ATP6V1H: variants seen among roughly 807,000 people sequenced by gnomAD.
ATP6V1H encodes the protein ATPase H+ transporting V1 subunit H.
ATP6V1H carries 39 observed loss-of-function variants against 71.7 expected under a neutral mutation model. That is an observed-to-expected ratio of 0.54 (90% confidence interval 0.42 to 0.71). ATP6V1H has a LOEUF of 0.71. ATP6V1H is among the 30% of genes least tolerant of loss of function. ATP6V1H has a pLI of 0.00. For missense variants in ATP6V1H, 509 were observed against 594.9 expected, an observed-to-expected ratio of 0.86 and a Z score of 1.50; for synonymous variants, 192 against 199.3, an observed-to-expected ratio of 0.96 and a Z score of 0.31.
At chr8:53,803,154 T>C (rs973722299) in intron 7 of ATP6V1H, among the ~76,000 whole-genome samples, 5 of 152,156 alleles carry the variant, frequency 3.3e-5, no homozygotes, top group East Asian at 1.9e-4. Context: ...CTGGCCAACA[T>C]GGCGAAACTC....
At chr8:53,833,607 C>T (rs750944950) in intron 2 of ATP6V1H, among the ~76,000 whole-genome samples, 7 of 151,986 alleles carry the variant, frequency 4.6e-5, no homozygotes, top group Non-Finnish European at 8.8e-5. Flanking sequence ...AACTCTCCAT[C>T]CTGACCCCAC....
At chr8:53,741,148 T>A (rs1446005050) in intron 13 of ATP6V1H, among the ~76,000 whole-genome samples, 2 of 152,212 alleles carry the variant, frequency 1.3e-5, no homozygotes, top group Admixed American at 1.3e-4. Context: ...CTTCCTCTTA[T>A]AATCACACAC....
chr8:53,730,794 A>AT (rs1030141090), intron 13 of ATP6V1H, among the ~76,000 whole-genome samples: 2 of 152,054 alleles, frequency 1.3e-5, no homozygotes, highest in South Asian at 2.1e-4. Flanking sequence ...TCATGAGAAC[A>AT]TTTTTTCTTT....
intron 2 of ATP6V1H, among the ~76,000 whole-genome samples, chr8:53,838,276 C>T (rs534402220): frequency 2.3e-4 from 35 of 152,264 alleles, no homozygotes; most frequent in African/African-American, 7.9e-4. Context: ...CAGGCACCTG[C>T]CACCACACAC....
At chr8:53,838,574 T>A (rs909383078) in intron 2 of ATP6V1H, among the ~76,000 whole-genome samples, 1 of 152,196 alleles carries the variant, frequency 6.6e-6, no homozygotes, top group Non-Finnish European at 1.5e-5. Flanking sequence ...CACAATTTGC[T>A]ATTTAATTTG....
chr8:53,747,186 C>CTTGGCTGT (rs1312296240), intron 12 of ATP6V1H, among the ~76,000 whole-genome samples: 1 of 152,056 alleles, frequency 6.6e-6, no homozygotes, highest in Non-Finnish European at 1.5e-5. Flanking sequence ...GTTTAGTATT[C>CTTGGCTGT]TAAACATGGC....
At chr8:53,835,428 T>A (rs1275824849) in intron 2 of ATP6V1H, among the ~76,000 whole-genome samples, 1 of 152,182 alleles carries the variant, frequency 6.6e-6, no homozygotes, top group South Asian at 2.1e-4. Context: ...AGAAGGGACC[T>A]GAACTTGCAT....
chr8:53,793,863 C>T (rs1809644690), intron 9 of ATP6V1H, among the ~76,000 whole-genome samples: 1 of 152,084 alleles, frequency 6.6e-6, no homozygotes, highest in Non-Finnish European at 1.5e-5. Flanking sequence ...CGCTTGAATC[C>T]AGGAGGTGGA....
intron 8 of ATP6V1H, among the ~76,000 whole-genome samples, chr8:53,798,925 G>A (rs535532201): frequency 3.9e-5 from 6 of 152,004 alleles, no homozygotes; most frequent in Non-Finnish European, 5.9e-5. Context: ...AAATACTAAG[G>A]TACTAGCCAT....
At chr8:53,726,051 A>G (rs957676761) in intron 13 of ATP6V1H, among the ~76,000 whole-genome samples, 1 of 150,098 alleles carries the variant, frequency 6.7e-6, no homozygotes, top group African/African-American at 2.5e-5. Flanking sequence ...CCATCCAAAG[A>G]TTATTCCATT....
intron 4 of ATP6V1H, among the ~76,000 whole-genome samples, chr8:53,827,315 A>G (rs1034943844): frequency 3.1e-4 from 47 of 151,998 alleles, no homozygotes; most frequent in African/African-American, 1.1e-3. Context: ...CCCAGGGGGC[A>G]GAGGTTGCAG....
chr8:53,834,784 T>C (rs140970976), intron 2 of ATP6V1H, among the ~76,000 whole-genome samples: 392 of 151,536 alleles, frequency 2.6e-3, no homozygotes, highest in African/African-American at 7.9e-3. Flanking sequence ...ACCCCAAATA[T>C]GTTGAGGAAT....
intron 6 of ATP6V1H, among the ~76,000 whole-genome samples, chr8:53,813,907 T>C (rs1170876024): frequency 6.6e-6 from 1 of 152,144 alleles, no homozygotes; most frequent in Non-Finnish European, 1.5e-5. Flanking sequence ...GACAGTGTCC[T>C]TTCACAGCTG....
intron 1 of ATP6V1H, chr8:53,842,484 CAA>C (rs1288428873): frequency 6.6e-6 from 1 of 152,194 alleles, no homozygotes. Flanking sequence ...GCCATGGCCA[CAA>C]AGAAGTTAAA....
At chr8:53,744,040 A>G (rs1042485783) in intron 12 of ATP6V1H, among the ~76,000 whole-genome samples, 4 of 152,136 alleles carry the variant, frequency 2.6e-5, no homozygotes, top group African/African-American at 9.7e-5. Context: ...CTTGTTTAAT[A>G]TCAGTATTGA....
Position 53,829,493 on chromosome 8 carries a change from T to C in ATP6V1H, c.257A>G (p.Lys86Arg). ...TFINLMTHIC[K>R]EQTVQYILTM... ...TAGTATATACTGAACGGTCTGTTCT[T>C]TGCAGATATGAGTCATCAGATTTAT... Residue 86 changes from lysine to arginine, a missense_variant, in exon 4 of 14, where the codon AAA becomes AGA. By Grantham distance (26) the Lys-to-Arg change is conservative. Around this residue, in one of 2 missense-constraint regions of ATP6V1H, gnomAD observed 297 missense variants for 303.3 expected, o/e 0.98. Transcript: ENST00000359530. 2 of 1,602,768 alleles carry C rather than the reference T, an allele frequency of 1.2e-6. No homozygotes were observed. The highest frequency in any genetic ancestry group is 1.7e-6 in the Non-Finnish European group (2 of 1,176,198).
chr8:53,746,216 G>A (rs1807598205), intron 12 of ATP6V1H, among the ~76,000 whole-genome samples: 2 of 151,316 alleles, frequency 1.3e-5, no homozygotes, highest in African/African-American at 4.9e-5. Context: ...ATTATCACCA[G>A]CCAATAAAAT....
chr8:53,769,854 T>C, intron 10 of ATP6V1H, 111 bp from the exon 11 acceptor site: 1 of 924,072 alleles, frequency 1.1e-6, no homozygotes, highest in East Asian at 2.8e-5. Flanking sequence ...CTGACCATCC[T>C]TTGTACATTA....
intron 2 of ATP6V1H, among the ~76,000 whole-genome samples, chr8:53,836,769 A>G (rs1811171005): frequency 6.6e-6 from 1 of 152,226 alleles, no homozygotes; most frequent in South Asian, 2.1e-4. Context: ...TTTAAAATCA[A>G]TTGACTAACT....
Sources: gnomAD v4.1 joint callset for allele counts (sites outside exome capture counted in the v4.1 genomes callset) on GRCh38, gnomAD v4.1.1 for gene constraint, gnomAD v4.1.1 regional missense constraint, MANE v1.5 for transcripts, NCBI Gene and HGNC (gene_info 2026-07-23, HGNC 2026-07-21) for gene names.